The following ZEB1 variants were observed in gnomAD, a reference collection of about 807,000 sequenced individuals.
ZEB1 encodes the protein zinc finger E-box binding homeobox 1.
In ZEB1, 21 loss-of-function variants were observed where a neutral mutation model predicts 84.9. That is an observed-to-expected ratio of 0.25 (90% CI 0.18 to 0.36). The LOEUF is 0.36. ZEB1 is among the 10% of genes least tolerant of loss of function. The pLI is 1.00. For missense variants in ZEB1, 1,104 were observed against 1,330.2 expected, an observed-to-expected ratio of 0.83 and a Z score of 2.65; for synonymous variants, 420 against 471.1, an observed-to-expected ratio of 0.89 and a Z score of 1.41.
At chr10:31,450,334 T>C (rs2060406110) in intron 1 of ZEB1, among the ~76,000 whole-genome samples, 2 of 152,148 alleles carry the variant, frequency 1.3e-5, no homozygotes, top group Admixed American at 1.3e-4. Context: ...AGTAATAGAA[T>C]TTTTTCCTCT....
chr10:31,391,275 G>GTA (rs1554835629), intron 1 of ZEB1, among the ~76,000 whole-genome samples: 1 of 126,740 alleles, frequency 7.9e-6, no homozygotes, highest in Non-Finnish European at 1.6e-5. Context: ...GTGTGTGTGT[G>GTA]TGAGATCCAA....
chr10:31,483,745 T>C (rs2065364323), intron 2 of ZEB1, among the ~76,000 whole-genome samples: 1 of 152,002 alleles, frequency 6.6e-6, no homozygotes, highest in Admixed American at 6.6e-5. Context: ...CATTCTTCTC[T>C]CTGTTCTATA....
intron 1 of ZEB1, among the ~76,000 whole-genome samples, chr10:31,409,962 C>A (rs2053921552): frequency 6.6e-6 from 1 of 152,184 alleles, no homozygotes; most frequent in Non-Finnish European, 1.5e-5. Flanking sequence ...CAAACAGAGA[C>A]AATTTGACTT....
At chr10:31,417,260 C>T (rs2055369910) in intron 1 of ZEB1, among the ~76,000 whole-genome samples, 1 of 152,246 alleles carries the variant, frequency 6.6e-6, no homozygotes, top group East Asian at 1.9e-4. Context: ...TCATTCTTAG[C>T]ACAATGTGTG....
rs1369634338 is a variant in ZEB1, at chr10:31,527,092, A to G, written c.3206A>G (p.Glu1069Gly). Residue 1069 changes from glutamate to glycine, a missense_variant, in exon 9 of 9, where the codon GAG (glutamate) becomes GGG (glycine). Coordinates refer to ENST00000424869, the MANE Select transcript of ZEB1 (RefSeq NM_001174096.2). Reference sequence around the variant, plus strand: ...CAAGGGGATGAGGAAGAGGAGGAGGAGGAGGAAGAAGTGGAAGAAGAAGAG... The same window carrying G: ...CAAGGGGATGAGGAAGAGGAGGAGGGGGAGGAAGAAGTGGAAGAAGAAGAG... The part of the protein sequence containing the change: ...KPQGDEEEEE[E>G]EEEVEEEEVE... 1.3e-6 allele frequency: 2 copies of G among 1,595,200 alleles called. No individual in the cohort carries two copies. Among genetic ancestry groups the G allele is most frequent in the Admixed American group, 1.7e-5 (1 of 58,212 alleles).
intron 2 of ZEB1, among the ~76,000 whole-genome samples, chr10:31,463,781 A>C (rs2062067708): frequency 2.6e-5 from 4 of 152,234 alleles, no homozygotes; most frequent in Admixed American, 2.6e-4. Context: ...AACTGCTACA[A>C]ATATCTATTG....
intron 1 of ZEB1, among the ~76,000 whole-genome samples, chr10:31,389,246 T>C (rs2049185939): frequency 6.6e-6 from 1 of 152,112 alleles, no homozygotes; most frequent in Non-Finnish European, 1.5e-5. Context: ...TGTTCTATGA[T>C]TTTGATCATA....
rs2066176383 is a variant in ZEB1 at position 31,489,351 on chromosome 10, A to G, written c.260-6425A>G. Among the ~76,000 whole-genome samples, 2 of 151,372 alleles carry G rather than the reference A, an allele frequency of 1.3e-5. 1 individual carries two copies. Among genetic ancestry groups the G allele is most frequent in the Admixed American group, 1.3e-4 (2 of 15,152 alleles). ...TTTTTTATCCTTTTACTTTTAAACTATGTAATTATAATTGAAGAAATTTTT... is the reference window on the plus strand; with the variant it reads ...TTTTTTATCCTTTTACTTTTAAACTGTGTAATTATAATTGAAGAAATTTTT... On this transcript the variant is annotated intron_variant, in intron 2 of 8. Coordinates refer to ENST00000424869, the MANE Select transcript of ZEB1 (RefSeq NM_001174096.2).
intron 1 of ZEB1, among the ~76,000 whole-genome samples, chr10:31,338,065 C>T (rs1279034112): frequency 1.3e-5 from 2 of 152,028 alleles, no homozygotes; most frequent in African/African-American, 4.8e-5. Flanking sequence ...ATTTTTAATT[C>T]TTTTATATTT....
chr10:31,489,956 G>T (rs1438902625), intron 2 of ZEB1, among the ~76,000 whole-genome samples: 1 of 151,268 alleles, frequency 6.6e-6, no homozygotes, highest in African/African-American at 2.4e-5. Context: ...TTTTTTAAAG[G>T]ATATTCTTAT....
rs1015529719 is a variant in ZEB1, at chr10:31,371,962, T to G, written c.58+52670T>G. Among the ~76,000 whole-genome samples the G allele has an allele frequency of 2.6e-5, 4 of 152,210 alleles. No homozygotes were observed. The South Asian group carries it at 8.3e-4, about 32-fold the overall frequency. ...GCCTTGGTATCAGGTTATTGATAGG[T>G]AAACATCAGAAATAGGCTGGATAGA... is the stretch of plus-strand genomic sequence containing the variant. On this transcript the variant is annotated intron_variant, in intron 1 of 8. Transcript: ENST00000424869.
In ZEB1 at chr10:31,321,264, C is replaced by T. The variant is rs142255389; in HGVS notation, c.58+1972C>T. The T allele has an allele frequency of 1.8e-4, 239 of 1,299,188 alleles. 1 individual carries two copies. In the African/African-American group the frequency reaches 3.1e-3, roughly 17 times the overall value. The allele number at this position is 1,299,188 out of a possible 1,614,324, so 80.5% of individuals were successfully genotyped here. A position where few individuals can be genotyped will look rare whatever the true frequency, so the allele number is the denominator to read the frequency against. ...TTAAGCTGTTTCAAGATGTTTCCTT[C>T]CAATCCATAATTATATTTTTAATAT... On this transcript the variant is annotated intron_variant, in intron 1 of 8. Coordinates refer to ENST00000424869, the MANE Select transcript of ZEB1 (RefSeq NM_001174096.2).
At position 31,442,568 on chromosome 10, in the gene ZEB1, A is replaced by T. The variant is rs540657086; in HGVS notation, c.59-18469A>T. Among the ~76,000 whole-genome samples the T allele has an allele frequency of 8.6e-4, 101 of 117,710 alleles. 1 individual carries two copies. The highest frequency in any genetic ancestry group is 4.3e-3 in the African/African-American group (64 of 14,958). 77.2% of individuals were successfully genotyped at this position (117,710 alleles called of 152,430 possible). The stretch of plus-strand genomic sequence containing the variant: ...AACTTAAAAGTATAATAATAATAAT[A>T]AAAAAAAAAGAAATCCAAGTGGAGC... On this transcript the variant is annotated intron_variant, in intron 1 of 8. Coordinates refer to ENST00000424869, the MANE Select transcript of ZEB1 (RefSeq NM_001174096.2).
chr10:31,487,724 C>T (rs138888922), intron 2 of ZEB1, among the ~76,000 whole-genome samples: 266 of 151,378 alleles, frequency 1.8e-3, no homozygotes, highest in African/African-American at 6.2e-3. Context: ...AAAGCATAGT[C>T]TTTCTCCTTT....
At chr10:31,431,405 A>C (rs1489396740) in intron 1 of ZEB1, among the ~76,000 whole-genome samples, 1 of 152,188 alleles carries the variant, frequency 6.6e-6, no homozygotes, top group Non-Finnish European at 1.5e-5. Context: ...ATAAATCTCT[A>C]TTGTATGAGG....
intron 1 of ZEB1, among the ~76,000 whole-genome samples, chr10:31,422,250 G>A (rs952467012): frequency 6.6e-6 from 1 of 152,196 alleles, no homozygotes; most frequent in African/African-American, 2.4e-5. Flanking sequence ...GGTAGTAGCA[G>A]AGGATCTTAA....
intron 1 of ZEB1, among the ~76,000 whole-genome samples, chr10:31,352,433 G>A (rs971533176): frequency 2.6e-5 from 4 of 152,208 alleles, no homozygotes; most frequent in African/African-American, 9.6e-5. Context: ...AAGATGGTGA[G>A]TGTTTCACTT....
At chr10:31,362,073 C>G (rs185063915) in intron 1 of ZEB1, among the ~76,000 whole-genome samples, 1,519 of 48,292 alleles carry the variant, frequency 0.031, no homozygotes, top group Middle Eastern at 0.1. Context: ...TCATTTCCCA[C>G]ACGGTGAGGA....
At chr10:31,371,206 G>A (rs1160209991) in intron 1 of ZEB1, among the ~76,000 whole-genome samples, 3 of 152,122 alleles carry the variant, frequency 2.0e-5, no homozygotes, top group Admixed American at 6.6e-5. Flanking sequence ...TAATCTGATA[G>A]TGACTTTTCA....
Sources: gnomAD v4.1 joint callset for allele counts (sites outside exome capture counted in the v4.1 genomes callset) on GRCh38, gnomAD v4.1.1 for gene constraint, MANE v1.5 for transcripts, NCBI Gene and HGNC (gene_info 2026-07-23, HGNC 2026-07-21) for gene names.